ABCG5: variants seen among roughly 807,000 people sequenced by gnomAD.
ABCG5 encodes ATP-binding cassette sub-family G member 5.
A neutral mutation model predicts 64.5 loss-of-function variants in ABCG5; 64 were observed. The observed-to-expected ratio is 0.99, with a 90% CI of 0.81 to 1.22. ABCG5 has a LOEUF of 1.22. Among genes scored for constraint, ABCG5 ranks in the 50% most tolerant of loss-of-function variants. The probability of loss-of-function intolerance (pLI) is 0.00; values close to 1 mark genes in which losing one functional copy is unlikely to be tolerated. For missense variants in ABCG5, 908 were observed against 829.5 expected, an observed-to-expected ratio of 1.09 and a Z score of -1.16; for synonymous variants, 385 against 326.3, an observed-to-expected ratio of 1.18 and a Z score of -1.94.
chr2:43,810,124 C>T, downstream of ABCG5: 1 of 357,704 alleles, frequency 2.8e-6, no homozygotes, highest in South Asian at 1.1e-4. Flanking sequence ...GTTAAGTGCC[C>T]ACGTTAGACA....
At chr2:43,811,739 C>T (rs182279422), downstream of ABCG5, among the ~76,000 whole-genome samples, 3,269 of 151,992 alleles carry the variant, frequency 0.022, 82 homozygotes, top group African/African-American at 0.061. Context: ...GGACTACAGG[C>T]GCCTGCCACC....
rs1276099564 is a variant in ABCG5, at chr2:43,814,024, A to T, written c.1762+453T>A. 2.0e-5 allele frequency among the ~76,000 whole-genome samples: 3 copies of T among 151,928 alleles called. No individual in the cohort carries two copies. In the East Asian group the frequency reaches 5.8e-4, roughly 29 times the overall value. On this transcript the variant is annotated intron_variant, in intron 12 of 12. Coordinates refer to ENST00000405322, the MANE Select transcript of ABCG5 (RefSeq NM_022436.3). ...AGCCACTGTGCCCGGCCACCCTGAG[A>T]TTTCTAATGGCCATGAGGTCCTTGT...
chr2:43,834,484 T>C (rs567829499), intron 2 of ABCG5, among the ~76,000 whole-genome samples: 9 of 152,382 alleles, frequency 5.9e-5, no homozygotes, highest in African/African-American at 1.9e-4. Flanking sequence ...GGTGTTGTTT[T>C]AAGCCACTAA....
rs932233767 is a variant in ABCG5, at chr2:43,822,055, T to C, written c.1463+742A>G. Among the ~76,000 whole-genome samples the C allele has an allele frequency of 9.2e-5, 14 of 152,284 alleles. No homozygotes were observed. The South Asian group carries it at 1.0e-3, about 11-fold the overall frequency. On this transcript the variant is annotated intron_variant, in intron 10 of 12. Transcript: ENST00000405322. ...TCAATCTGATGTTTTTTGATGGTCT[T>C]ATTTACCACATCCTAAAATAACCAT...
At chr2:43,826,667 A>G in intron 5 of ABCG5, 146 bp from the exon 6 acceptor site, 2 of 1,293,090 alleles carry the variant, frequency 1.5e-6, no homozygotes, top group South Asian at 1.2e-5. Context: ...ACTGGCTTTC[A>G]GCCTGAGCTC....
At position 43,813,056 on chromosome 2, in the gene ABCG5, G is replaced by A. The variant is rs1050327532; in HGVS notation, c.*60C>T. The A allele has an allele frequency of 3.8e-6, 3 of 780,022 alleles. No homozygotes were observed. Among genetic ancestry groups the A allele is most frequent in the South Asian group, 2.8e-5 (2 of 71,880 alleles). 48.3% of individuals were successfully genotyped at this position (780,022 alleles called of 1,614,324 possible). ...AATACATGGCACTCTCATTTCAGAC[G>A]TTCAGAGCAGTCATGCACAGTCGGC... On this transcript the variant is annotated 3_prime_UTR_variant, in exon 13 of 13. Coordinates refer to ENST00000405322, the MANE Select transcript of ABCG5 (RefSeq NM_022436.3).
At chr2:43,829,755 T>G (rs1050236151) in intron 4 of ABCG5, among the ~76,000 whole-genome samples, 2 of 152,122 alleles carry the variant, frequency 1.3e-5, no homozygotes, top group Non-Finnish European at 2.9e-5. Flanking sequence ...GGCCGTGTTA[T>G]GAAAATGGAA....
chr2:43,806,571 G>A, the ABCG5 span, among the ~76,000 whole-genome samples: 3 of 152,148 alleles, frequency 2.0e-5, no homozygotes, highest in Non-Finnish European at 2.9e-5. Context: ...TTTGCAGCCT[G>A]GCTATAAGGA....
chr2:43,809,582 T>A (rs916885861), downstream of ABCG5: 9 of 693,804 alleles, frequency 1.3e-5, no homozygotes, highest in African/African-American at 1.1e-4. Flanking sequence ...GCAAGAAATA[T>A]TTAGAATGAT....
chr2:43,813,219 G>A lies in ABCG5; in HGVS notation c.1853C>T (p.Ser618Phe), dbSNP rs1397945035. 1.9e-6 allele frequency: 3 copies of A among 1,611,938 alleles called. No homozygotes were observed. Among genetic ancestry groups the A allele is most frequent in the Non-Finnish European group, 2.5e-6 (3 of 1,178,214 alleles). ...AATCAGAAAGTTCATTGTGAATCTA[G>A]ATGTTGCACCTGGGCAGGTTTTCTC... ...FIEKTCPGAT[S>F]RFTMNFLILY... is the part of the protein sequence containing the mutation. The change falls in exon 13 of 13, where the codon TCT becomes TTT. Residue 618 changes from serine (S) to phenylalanine (F), a missense_variant. Transcript: ENST00000405322.
In ABCG5 at chr2:43,831,762, C is replaced by A; in HGVS notation, c.501+7G>T. The A allele has an allele frequency of 6.4e-7, 1 of 1,571,924 alleles. No individual in the cohort carries two copies. The highest frequency in any genetic ancestry group is 8.6e-7 in the Non-Finnish European group (1 of 1,160,312). ...TTTGCCCTCTGTGAGCGGGGGGCTG[C>A]ACCCACCTTCTTCTGGAAGGAGCCG... On this transcript the variant is annotated splice_region_variant and intron_variant, in intron 4 of 12. Coordinates refer to ENST00000405322, the MANE Select transcript of ABCG5 (RefSeq NM_022436.3).
upstream of ABCG5, chr2:43,838,991 C>A: frequency 6.7e-7 from 1 of 1,501,610 alleles, no homozygotes; most frequent in Non-Finnish European, 9.1e-7. The surrounding 1 kb of genome is among the most constrained non-coding windows in gnomAD (Gnocchi z 4.2). Flanking sequence ...AAGACACTGG[C>A]CCTGGCAGGC....
intron 2 of ABCG5, among the ~76,000 whole-genome samples, chr2:43,837,098 CT>C (rs1452428551): frequency 1.3e-5 from 2 of 148,710 alleles, no homozygotes; most frequent in East Asian, 4.1e-4. Flanking sequence ...AATACATGAA[CT>C]TTTAAATATT....
At chr2:43,817,525 C>A (rs1666915932) in intron 11 of ABCG5, among the ~76,000 whole-genome samples, 1 of 151,712 alleles carries the variant, frequency 6.6e-6, no homozygotes, top group Non-Finnish European at 1.5e-5. Context: ...GAGCAACTAA[C>A]CTCCTTTTCC....
intron 11 of ABCG5, among the ~76,000 whole-genome samples, chr2:43,816,034 G>T (rs950410202): frequency 1.8e-4 from 27 of 152,224 alleles, no homozygotes; most frequent in African/African-American, 6.5e-4. Flanking sequence ...TCTTTCTGAG[G>T]TAGGAACTGT....
chr2:43,821,880 CT>C (rs991526108), intron 10 of ABCG5, among the ~76,000 whole-genome samples: 12 of 152,122 alleles, frequency 7.9e-5, no homozygotes, highest in African/African-American at 2.7e-4. Flanking sequence ...CTCTCTCCCC[CT>C]CTCTTCCCGC....
At position 43,824,039 on chromosome 2, in the gene ABCG5, GGAACAA is replaced by G; in HGVS notation, c.1192_1197del (p.Phe399_Leu400del). ...CGGACCCGCAGAACGAAGAAAAGGA[GGAACAA>G]ACCCATGATCAGATTCTGAAGGAGA... On this transcript the variant is annotated inframe_deletion, in exon 9 of 13. Coordinates refer to ENST00000405322, the MANE Select transcript of ABCG5 (RefSeq NM_022436.3). 6.2e-7 allele frequency: 1 copy of G among 1,614,184 alleles called. No individual in the cohort carries two copies. Among genetic ancestry groups the G allele is most frequent in the Non-Finnish European group, 8.5e-7 (1 of 1,180,032 alleles).
At chr2:43,839,220 A>G, upstream of ABCG5, 2 of 1,266,896 alleles carry the variant, frequency 1.6e-6, no homozygotes, top group Non-Finnish European at 2.2e-6. Flanking sequence ...CCACCCGGAC[A>G]TCAAGCAGTG....
chr2:43,830,721 G>A (rs555378187), intron 4 of ABCG5, among the ~76,000 whole-genome samples: 1 of 152,236 alleles, frequency 6.6e-6, no homozygotes, highest in East Asian at 1.9e-4. Context: ...CCTTGAAGGA[G>A]GCATGTCCAC....
Sources: gnomAD v4.1 joint callset for allele counts (sites outside exome capture counted in the v4.1 genomes callset) on GRCh38, gnomAD v4.1.1 for gene constraint, Gnocchi (gnomAD v3.1) non-coding constraint, MANE v1.5 for transcripts, NCBI Gene and HGNC (gene_info 2026-07-23, HGNC 2026-07-21) for gene names.